KTN1: variants seen among roughly 807,000 people sequenced by gnomAD.
KTN1 encodes the protein kinectin 1, also known as kinectin.
Under a neutral mutation model 222.5 loss-of-function variants are expected in KTN1, and 130 were observed. That is an observed-to-expected ratio of 0.58 (90% CI 0.51 to 0.68). The LOEUF is 0.68. KTN1 is among the 30% of genes least tolerant of loss of function. The pLI, the probability that KTN1 is intolerant of heterozygous loss-of-function variation, is 0.00. For missense variants in KTN1, 1,508 were observed against 1,500.4 expected (o/e 1.01, Z -0.08); for synonymous variants, 512 against 496.3 (o/e 1.03, Z -0.42).
chr14:55,672,842 T>C, intron 38 of KTN1, 87 bp from the exon 39 acceptor site: 1 of 1,142,666 alleles, frequency 8.8e-7, no homozygotes, highest in Non-Finnish European at 1.3e-6. Context: ...TAGTTTTATA[T>C]TCATAAGTGT....
In KTN1 at chr14:55,653,037, A is replaced by G. The variant is rs749225192; in HGVS notation, c.2715A>G (p.Glu905=). The G allele has an allele frequency of 1.9e-6, 3 of 1,605,306 alleles. No homozygotes were observed. Among genetic ancestry groups the G allele is most frequent in the African/African-American group, 2.7e-5 (2 of 74,718 alleles). ...TTAAGGATCTTCAAGAAGAAAATGA[A>G]TCTTTAAAAGCACATGTTCAGGAAG... The part of the protein sequence containing the change: ...KWLQDLQEEN[E]SLKAHVQEVA... Residue 905 remains glutamate (E), a synonymous_variant, in exon 27 of 44, where the codon GAA becomes GAG. Coordinates refer to ENST00000395314, the MANE Select transcript of KTN1 (RefSeq NM_001079521.2).
intron 13 of KTN1, 141 bp downstream of exon 13, chr14:55,639,363 T>C (rs755337438): frequency 2.1e-4 from 13 of 62,090 alleles, no homozygotes; most frequent in Admixed American, 4.5e-4. Context: ...CAACTTTTGC[T>C]TTTTTTTTTT....
intron 4 of KTN1, among the ~76,000 whole-genome samples, chr14:55,618,860 A>T (rs1230266241): frequency 6.6e-6 from 1 of 152,166 alleles, no homozygotes; most frequent in African/African-American, 2.4e-5. Flanking sequence ...GTTCATTGAG[A>T]TTATTGTGAA....
At chr14:55,653,671 T>C in intron 28 of KTN1, 75 bp downstream of exon 28, 1 of 1,101,724 alleles carries the variant, frequency 9.1e-7, no homozygotes, top group Admixed American at 1.8e-5. Flanking sequence ...TTGAATATAA[T>C]GATGAGTTTC....
intron 12 of KTN1, among the ~76,000 whole-genome samples, chr14:55,638,956 T>C (rs2041450358): frequency 6.6e-6 from 1 of 151,880 alleles, no homozygotes; most frequent in African/African-American, 2.4e-5. Context: ...GTCAACTTGT[T>C]TTATTCTAAA....
At chr14:55,680,572 C>T (rs1304255098) in intron 43 of KTN1, 1 of 553,306 alleles carries the variant, frequency 1.8e-6, no homozygotes, top group African/African-American at 1.9e-5. Flanking sequence ...CCTTTCAGAA[C>T]CCCTGATAAT....
At chr14:55,613,688 C>T (rs1566711875) in intron 2 of KTN1, among the ~76,000 whole-genome samples, 2 of 150,648 alleles carry the variant, frequency 1.3e-5, no homozygotes. Flanking sequence ...AGAGTGGTCT[C>T]GAACTCCTGA....
chr14:55,656,331 A>G (rs1345573531), intron 29 of KTN1, 199 bp downstream of exon 29: 14 of 497,768 alleles, frequency 2.8e-5, no homozygotes, highest in Non-Finnish European at 5.0e-5. Flanking sequence ...TGTTTATTAA[A>G]TACTCTGTTG....
rs186625388 is a variant in KTN1, at chr14:55,650,777, C to T, written c.2565+140C>T. 1.4e-3 allele frequency: 774 copies of T among 543,514 alleles called. 3 individuals are homozygous for T. The highest frequency in any genetic ancestry group is 2.1e-3 in the Non-Finnish European group (643 of 308,972). 33.7% of individuals were successfully genotyped at this position (543,514 alleles called of 1,614,324 possible). The stretch of plus-strand genomic sequence containing the variant: ...TATGTGCTTTTAATTTTATTTTTTG[C>T]CTGATTTGAGAAAGTATTCTTGATA... On this transcript the variant is annotated intron_variant, in intron 24 of 43. Coordinates refer to ENST00000395314, the MANE Select transcript of KTN1 (RefSeq NM_001079521.2).
At chr14:55,586,424 TATC>T (rs932838348) in intron 1 of KTN1, among the ~76,000 whole-genome samples, 5 of 152,150 alleles carry the variant, frequency 3.3e-5, no homozygotes, top group African/African-American at 7.2e-5. Context: ...TGCATTATCA[TATC>T]ATATCATATT....
chr14:55,606,352 A>G (rs2036720827), intron 1 of KTN1, among the ~76,000 whole-genome samples: 1 of 151,974 alleles, frequency 6.6e-6, no homozygotes, highest in Non-Finnish European at 1.5e-5. Flanking sequence ...TGTTTTTTTC[A>G]AATGTGTCTG....
At position 55,623,272 on chromosome 14, in the gene KTN1, A is replaced by G. The variant is rs554791608; in HGVS notation, c.963+3960A>G. On this transcript the variant is annotated intron_variant, in intron 5 of 43. Transcript: ENST00000395314. Reference sequence around the variant, plus strand: ...TAGTATGCTTGTTAGTTTCCGTGTGATGCCAGCAATGGCCCAGAGTAAAAA... The same window carrying G: ...TAGTATGCTTGTTAGTTTCCGTGTGGTGCCAGCAATGGCCCAGAGTAAAAA... Among the ~76,000 whole-genome samples the G allele has an allele frequency of 2.6e-5, 4 of 152,406 alleles. No homozygotes were observed. In the South Asian group the frequency reaches 8.3e-4, roughly 32 times the overall value.
In KTN1 at chr14:55,678,427, G is replaced by C. The variant is rs762831947; in HGVS notation, c.3931G>C (p.Asp1311His). The C allele has an allele frequency of 6.2e-7, 1 of 1,605,092 alleles. No homozygotes were observed. Among genetic ancestry groups the C allele is most frequent in the Non-Finnish European group, 8.5e-7 (1 of 1,172,010 alleles). ...AGACACTACTGTTATTGAAAATAGTGATGTTTCCCCAGAAACGGTATGTAT... is the reference window on the plus strand; with the variant it reads ...AGACACTACTGTTATTGAAAATAGTCATGTTTCCCCAGAAACGGTATGTAT... The part of the protein sequence containing the change: ...AGDTTVIENS[D>H]VSPETESSEK... The change falls in exon 42 of 44, where the codon GAT becomes CAT. Residue 1311 changes from aspartate (D) to histidine (H), a missense_variant. Transcript: ENST00000395314.
At chr14:55,680,415 G>A (rs1201337601) in intron 43 of KTN1, 3 of 142,142 alleles carry the variant, frequency 2.1e-5, no homozygotes, top group Non-Finnish European at 4.5e-5. Context: ...CCTGTTTTAT[G>A]AATAACTTAA....
chr14:55,582,737 C>G (rs1159195256), intron 1 of KTN1, among the ~76,000 whole-genome samples: 2 of 152,014 alleles, frequency 1.3e-5, no homozygotes, highest in Non-Finnish European at 2.9e-5. Context: ...TTAAGTGGTT[C>G]TAGGAAGGTT....
At chr14:55,582,751 G>C (rs1179883189) in intron 1 of KTN1, among the ~76,000 whole-genome samples, 1 of 152,100 alleles carries the variant, frequency 6.6e-6, no homozygotes, top group African/African-American at 2.4e-5. Context: ...GAAGGTTTTG[G>C]TTCTCTTGGG....
At chr14:55,672,124 A>G (rs757797109) in intron 37 of KTN1, 4 of 401,486 alleles carry the variant, frequency 1.0e-5, no homozygotes, top group African/African-American at 4.1e-5. Flanking sequence ...AATGCTAGTT[A>G]CAGAACTATT....
rs1360882352 is a variant in KTN1, at chr14:55,679,649, C to T, written c.4033C>T (p.Gln1345Ter). The T allele has an allele frequency of 6.2e-7, 1 of 1,613,912 alleles. No individual in the cohort carries two copies. The highest frequency in any genetic ancestry group is 8.5e-7 in the Non-Finnish European group (1 of 1,179,802). The change falls in exon 43 of 44, where the codon CAG (glutamine) becomes TAG (stop). Residue 1345 changes from glutamine (Q) to a stop codon, truncating the protein, a stop_gained. Coordinates refer to ENST00000395314, the MANE Select transcript of KTN1 (RefSeq NM_001079521.2). LOFTEE classifies it high-confidence loss of function. The stretch of plus-strand genomic sequence containing the variant: ...GCAGTTGCTTCAGGCGGTAAACCAA[C>T]AGCTCACAAAGGAGAAAGAGCACTA... ...LQQLLQAVNQ[Q>*]LTKEKEHYQV...
chr14:55,609,051 A>C (rs76063342), intron 1 of KTN1, among the ~76,000 whole-genome samples: 2 of 151,014 alleles, frequency 1.3e-5, no homozygotes, highest in East Asian at 1.9e-4. Flanking sequence ...AAAAAAAAAA[A>C]CAGGATACAT....
Sources: gnomAD v4.1 joint callset for allele counts (sites outside exome capture counted in the v4.1 genomes callset) on GRCh38, gnomAD v4.1.1 for gene constraint, MANE v1.5 for transcripts, NCBI Gene and HGNC (gene_info 2026-07-23, HGNC 2026-07-21) for gene names.